NXNL2: variants seen among roughly 807,000 people sequenced by gnomAD.
NXNL2 encodes nucleoredoxin-like protein 2.
NXNL2 carries 7 observed loss-of-function variants against 11.1 expected under a neutral mutation model. That is an observed-to-expected ratio of 0.63 (90% CI 0.36 to 1.18). The LOEUF (loss-of-function observed/expected upper bound fraction) is 1.18. NXNL2 is among the 50% of genes most tolerant of loss of function. NXNL2 has a pLI of 0.02. For synonymous variants in NXNL2, 109 were observed against 101.8 expected (o/e 1.07, Z -0.42); for missense variants, 233 against 217.7 (o/e 1.07, Z -0.44).
chr9:88,576,591 G>C (rs542308222), downstream of NXNL2, among the ~76,000 whole-genome samples: 4 of 152,318 alleles, frequency 2.6e-5, no homozygotes, highest in African/African-American at 4.8e-5. Context: ...GGGGAGAAGG[G>C]GAAGAGGGAG....
chr9:88,535,794 C>A, intron 1 of NXNL2, 58 bp downstream of exon 1: 1 of 1,408,500 alleles, frequency 7.1e-7, no homozygotes, highest in South Asian at 1.4e-5. Flanking sequence ...CATGTTCCCC[C>A]AGGCCTCCCC....
chr9:88,550,575 G>A (rs1010075854), intron 1 of NXNL2, among the ~76,000 whole-genome samples: 1 of 152,202 alleles, frequency 6.6e-6, no homozygotes, highest in African/African-American at 2.4e-5. Context: ...TTGAAGCAGG[G>A]AAGCTCATAG....
chr9:88,546,414 C>CTTTTT (rs956682156), downstream of NXNL2, among the ~76,000 whole-genome samples: 10 of 110,138 alleles, frequency 9.1e-5, no homozygotes, highest in African/African-American at 1.5e-4. Context: ...AAGACACATT[C>CTTTTT]TTTTTTTTTT....
chr9:88,552,791 T>A (rs1296315506), intron 1 of NXNL2, among the ~76,000 whole-genome samples: 1 of 152,216 alleles, frequency 6.6e-6, no homozygotes, highest in Non-Finnish European at 1.5e-5. Flanking sequence ...TTAACCTTTA[T>A]AATACCTCTA....
At chr9:88,552,632 A>G (rs1051386359) in intron 1 of NXNL2, among the ~76,000 whole-genome samples, 25 of 151,814 alleles carry the variant, frequency 1.6e-4, no homozygotes, top group African/African-American at 5.6e-4. Context: ...CACCACGCCC[A>G]GCTAATTTTT....
At chr9:88,536,167 A>G (rs1307389458) in intron 1 of NXNL2, among the ~76,000 whole-genome samples, 3 of 152,134 alleles carry the variant, frequency 2.0e-5, no homozygotes, top group East Asian at 1.9e-4. Flanking sequence ...GCACAGGGAC[A>G]TGACCCGGTG....
chr9:88,559,019 A>G (rs557750677), intron 1 of NXNL2, among the ~76,000 whole-genome samples: 1 of 152,184 alleles, frequency 6.6e-6, no homozygotes, highest in South Asian at 2.1e-4. Context: ...TGCTGAGCAA[A>G]TAGATGTCTC....
chr9:88,563,560 T>A (rs1017627253), intron 1 of NXNL2, among the ~76,000 whole-genome samples: 4 of 152,152 alleles, frequency 2.6e-5, no homozygotes, highest in Non-Finnish European at 5.9e-5. Context: ...CACTCCAGAC[T>A]CCCTATATTG....
At chr9:88,557,030 A>G (rs1182762867) in intron 1 of NXNL2, among the ~76,000 whole-genome samples, 1 of 149,892 alleles carries the variant, frequency 6.7e-6, no homozygotes, top group East Asian at 2.0e-4. Context: ...GCAGTGAGCC[A>G]AGATCATGCC....
intron 1 of NXNL2, among the ~76,000 whole-genome samples, chr9:88,542,563 C>T (rs1376036619): frequency 3.3e-5 from 5 of 152,262 alleles, no homozygotes; most frequent in African/African-American, 1.2e-4. Context: ...GCTGGGATTA[C>T]AGGCATGTGC....
At chr9:88,563,411 C>T (rs527753045) in intron 1 of NXNL2, among the ~76,000 whole-genome samples, 2 of 152,328 alleles carry the variant, frequency 1.3e-5, no homozygotes, top group Admixed American at 6.5e-5. Flanking sequence ...GAGTCATCTC[C>T]AGTGCCTGCT....
chr9:88,566,885 A>G (rs1219718455), intron 1 of NXNL2, among the ~76,000 whole-genome samples: 1 of 152,034 alleles, frequency 6.6e-6, no homozygotes, highest in Non-Finnish European at 1.5e-5. Flanking sequence ...CTATCTTTCT[A>G]TCTAGCCTAT....
chr9:88,543,456 A>G (rs1829801335), intron 1 of NXNL2, among the ~76,000 whole-genome samples: 1 of 152,014 alleles, frequency 6.6e-6, no homozygotes, highest in Admixed American at 6.6e-5. Context: ...TGTAGAGACA[A>G]GGTCTCACTA....
At chr9:88,556,363 T>A (rs1302393301) in intron 1 of NXNL2, among the ~76,000 whole-genome samples, 20 of 152,130 alleles carry the variant, frequency 1.3e-4, no homozygotes, top group Admixed American at 1.1e-3. Flanking sequence ...AGAATGAGGT[T>A]ACATGGACAA....
chr9:88,579,723 G>A (rs1007123123), downstream of NXNL2, among the ~76,000 whole-genome samples: 2 of 152,108 alleles, frequency 1.3e-5, no homozygotes, highest in African/African-American at 4.8e-5. Context: ...AATAAACTCC[G>A]CAATGAAAAC....
At position 88,575,104 on chromosome 9, in the gene NXNL2, G is replaced by A. The variant is rs963077073; in HGVS notation, c.*34G>A. ...CTTTGAAGCCATTGCTGTGAATTAC[G>A]TGAGGGAAAGATATTGAAGAGGAGT... On this transcript the variant is annotated 3_prime_UTR_variant, in exon 3 of 3. Coordinates refer to the NXNL2 transcript ENST00000375855. 2.8e-5 allele frequency: 28 copies of A among 983,816 alleles called. No individual in the cohort carries two copies. In the African/African-American group the frequency reaches 3.1e-4, roughly 11 times the overall value. The allele number at this position is 983,816 out of a possible 1,614,324, so 60.9% of individuals were successfully genotyped here. A position where few individuals can be genotyped will look rare whatever the true frequency, so the allele number is the denominator to read the frequency against.
downstream of NXNL2, among the ~76,000 whole-genome samples, chr9:88,547,741 G>C (rs1829864544): frequency 6.6e-6 from 1 of 152,158 alleles, no homozygotes; most frequent in South Asian, 2.1e-4. Context: ...TCTGGGCTGG[G>C]CATGGTGGCT....
rs868319230 is a variant in NXNL2, at chr9:88,552,571, C to T, written c.302+16835C>T. Among the ~76,000 whole-genome samples the T allele has an allele frequency of 3.3e-5, 5 of 151,254 alleles. No individual in the cohort carries two copies. The South Asian group carries it at 6.3e-4, about 19-fold the overall frequency. ...CTGCAAACTCTGCCTCCTGAGTTCA[C>T]GCCATTCTCCTGCCTCAGCCTCCCG... On this transcript the variant is annotated intron_variant, in intron 1 of 2. Coordinates refer to the NXNL2 transcript ENST00000375855.
intron 1 of NXNL2, among the ~76,000 whole-genome samples, chr9:88,583,028 T>C (rs762001428): frequency 2.0e-5 from 3 of 152,166 alleles, no homozygotes; most frequent in Non-Finnish European, 2.9e-5. Context: ...TTCTTCTAGT[T>C]TGGGCCAGCT....
Sources: gnomAD v4.1 joint callset for allele counts (sites outside exome capture counted in the v4.1 genomes callset) on GRCh38, gnomAD v4.1.1 for gene constraint, MANE v1.5 for transcripts, NCBI Gene and HGNC (gene_info 2026-07-23, HGNC 2026-07-21) for gene names.